The following PRKX variants were observed in gnomAD, a reference collection of about 807,000 sequenced individuals.
PRKX encodes cAMP-dependent protein kinase catalytic subunit PRKX.
PRKX carries 12 observed loss-of-function variants against 22.0 expected under a neutral mutation model. The ratio of observed to expected loss-of-function variants is 0.54; its 90% confidence interval spans 0.35 to 0.88. PRKX has a LOEUF of 0.88. PRKX is among the 40% of genes least tolerant of loss of function. PRKX has a pLI of 0.01. For synonymous variants in PRKX, 134 were observed against 137.7 expected (o/e 0.97, Z 0.19); for missense variants, 217 against 308.0 (o/e 0.70, Z 2.21).
At chrX:3,711,441 A>G (rs764192314) in intron 1 of PRKX, among the ~76,000 whole-genome samples, 1 of 111,694 alleles carries the variant, frequency 9.0e-6, no homozygotes, top group East Asian at 2.8e-4. Context: ...GCCCCCTGTG[A>G]CACCAGAACC....
chrX:3,667,735 T>C (rs1927764965), intron 2 of PRKX, among the ~76,000 whole-genome samples: 1 of 110,867 alleles, frequency 9.0e-6, no homozygotes, highest in Non-Finnish European at 1.9e-5. Context: ...CCAGTCCCCA[T>C]GGCAGTCTCC....
rs746020905 is a variant in PRKX at position 3,674,651 on chromosome X, T to C, written c.282A>G (p.Val94=). The stretch of plus-strand genomic sequence containing the variant: ...CCTTCAGGACAGACTTCTCATTGTG[T>C]ACGTGTTGCTCCTGCTTTAGGCGGA... ...DVIRLKQEQH[V]HNEKSVLKEV... The change falls in exon 2 of 9, where the codon GTA becomes GTG. Residue 94 remains valine, a synonymous_variant. Coordinates refer to ENST00000262848, the MANE Select transcript of PRKX (RefSeq NM_005044.5). The C allele has an allele frequency of 7.4e-6, 9 of 1,211,895 alleles. No homozygotes were observed. The highest frequency in any genetic ancestry group is 2.3e-4 in the Middle Eastern group (1 of 4,354).
chrX:3,693,318 G>A (rs1211294829), intron 1 of PRKX, among the ~76,000 whole-genome samples: 2 of 111,550 alleles, frequency 1.8e-5, no homozygotes, highest in Non-Finnish European at 3.8e-5. Context: ...GTGAAAATGG[G>A]AAGGTGGTGG....
At chrX:3,637,664 G>A (rs759170467) in intron 4 of PRKX, among the ~76,000 whole-genome samples, 34 of 112,136 alleles carry the variant, frequency 3.0e-4, no homozygotes, top group African/African-American at 1.1e-3. Flanking sequence ...TAGGCTTACT[G>A]TGAATCAATA....
At chrX:3,665,219 A>G (rs911691301) in intron 2 of PRKX, among the ~76,000 whole-genome samples, 59 of 111,652 alleles carry the variant, frequency 5.3e-4, no homozygotes, top group African/African-American at 1.8e-3. Flanking sequence ...ACACAAAGAA[A>G]AGTACAGAAG....
chrX:3,605,373 G>T lies in PRKX; in HGVS notation c.*3596C>A, dbSNP rs1292944564. 8.9e-6 allele frequency: 1 copy of T among 112,545 alleles called. No individual in the cohort carries two copies. The highest frequency in any genetic ancestry group is 1.9e-5 in the Non-Finnish European group (1 of 53,324). The allele number at this position is 112,545 out of a possible 1,213,427, so 9.3% of individuals were successfully genotyped here. ...CAAAAATACAACCCAAGCCAGTGCT[G>T]TCTTGCACCCTGTTCACTCAGTAGC... On this transcript the variant is annotated 3_prime_UTR_variant, in exon 9 of 9. Transcript: ENST00000262848.
At chrX:3,698,014 AG>A (rs982883964) in intron 1 of PRKX, among the ~76,000 whole-genome samples, 3 of 112,177 alleles carry the variant, frequency 2.7e-5, no homozygotes, top group Non-Finnish European at 5.6e-5. Context: ...TCACTCAACA[AG>A]AACACCAGGC....
At chrX:3,631,369 G>GCA (rs753301980) in intron 4 of PRKX, among the ~76,000 whole-genome samples, 1 of 112,666 alleles carries the variant, frequency 8.9e-6, no homozygotes, top group South Asian at 3.6e-4. Context: ...TCAAGAGGAG[G>GCA]CACACACACA....
chrX:3,650,394 G>A (rs1294192813), intron 3 of PRKX, among the ~76,000 whole-genome samples: 6 of 106,351 alleles, frequency 5.6e-5, no homozygotes, highest in Admixed American at 1.0e-4. Flanking sequence ...GGTGGTGGGC[G>A]CCTGTAGTCC....
At chrX:3,677,115 G>A (rs368171279) in intron 1 of PRKX, among the ~76,000 whole-genome samples, 27 of 111,120 alleles carry the variant, frequency 2.4e-4, no homozygotes, top group African/African-American at 8.8e-4. Flanking sequence ...AGAGGGTAGG[G>A]CTTGAGGGGG....
chrX:3,701,343 T>C (rs1475675762), intron 1 of PRKX, among the ~76,000 whole-genome samples: 4 of 112,127 alleles, frequency 3.6e-5, no homozygotes, highest in Non-Finnish European at 1.9e-5. Flanking sequence ...TAGCCTCAAA[T>C]GATTCTCCCT....
intron 1 of PRKX, among the ~76,000 whole-genome samples, chrX:3,689,759 C>T (rs756591876): frequency 1.9e-4 from 21 of 111,923 alleles, no homozygotes; most frequent in South Asian, 7.4e-4. Context: ...GGGCGGATCA[C>T]AAGGTCAGGA....
At chrX:3,696,678 T>C (rs1928448228) in intron 1 of PRKX, among the ~76,000 whole-genome samples, 1 of 112,216 alleles carries the variant, frequency 8.9e-6, no homozygotes, top group African/African-American at 3.2e-5. Flanking sequence ...ACTCAAACCA[T>C]CATAAATGGA....
At position 3,612,298 on chromosome X, in the gene PRKX, C is replaced by T. The variant is rs1926313416; in HGVS notation, c.979G>A (p.Asp327Asn). 8.3e-7 allele frequency: 1 copy of T among 1,210,780 alleles called. No homozygotes were observed. The highest frequency in any genetic ancestry group is 2.2e-5 in the Admixed American group (1 of 45,852). The change falls in exon 8 of 9, where the codon GAC (aspartate) becomes AAC (asparagine). Residue 327 changes from aspartate to asparagine, a missense_variant. Physicochemically the swap from Asp to Asn is conservative, Grantham distance 23. Transcript: ENST00000262848. ...KPPIVPKIAG[D>N]GDTSNFETYP... ...GTTTCGAAGTTGGAAGTGTCGCCGT[C>T]ACCAGCTATCTTGGGCACGATGGGA...
chrX:3,702,364 A>T (rs1928595589), intron 1 of PRKX, among the ~76,000 whole-genome samples: 2 of 113,296 alleles, frequency 1.8e-5, no homozygotes, highest in South Asian at 7.1e-4. Context: ...TGATTCACCA[A>T]GGTGAAAACA....
chrX:3,650,321 A>G (rs1247217047), intron 3 of PRKX, among the ~76,000 whole-genome samples: 1 of 106,433 alleles, frequency 9.4e-6, no homozygotes, highest in Non-Finnish European at 1.9e-5. Context: ...GGAGATCGAG[A>G]CCATCCTGGC....
chrX:3,694,351 G>A (rs1482556231), intron 1 of PRKX, among the ~76,000 whole-genome samples: 1 of 110,533 alleles, frequency 9.0e-6, no homozygotes, highest in East Asian at 2.8e-4. Flanking sequence ...TGATGCCACT[G>A]CACTCCAGCC....
chrX:3,697,112 G>A (rs1336115077), intron 1 of PRKX, among the ~76,000 whole-genome samples: 1 of 112,070 alleles, frequency 8.9e-6, no homozygotes, highest in African/African-American at 3.2e-5. Context: ...CCAACACTTT[G>A]GGAGGCCGAG....
intron 4 of PRKX, among the ~76,000 whole-genome samples, chrX:3,627,940 C>T (rs779025268): frequency 1.8e-5 from 2 of 111,276 alleles, no homozygotes; most frequent in Non-Finnish European, 3.8e-5. Context: ...GACATCGGCA[C>T]GCCCATGTTT....
Sources: allele counts gnomAD v4.1 joint callset (sites outside exome capture counted in the v4.1 genomes callset), GRCh38; gene constraint gnomAD v4.1.1; transcripts MANE v1.5; gene names NCBI Gene and HGNC (gene_info 2026-07-23, HGNC 2026-07-21).